The following RNF130 variants were observed in gnomAD, a reference collection of about 807,000 sequenced individuals.
RNF130 encodes the protein ring finger protein 130, also known as E3 ubiquitin-protein ligase RNF130.
Under a neutral mutation model 44.6 loss-of-function variants are expected in RNF130, and 21 were observed. The observed-to-expected ratio is 0.47, with a 90% CI of 0.33 to 0.68. The LOEUF (loss-of-function observed/expected upper bound fraction) is 0.68, where lower values mean the gene tolerates loss of function less well. Among genes scored for constraint, RNF130 ranks in the 30% least tolerant of loss-of-function variants. The pLI is 0.02. For synonymous variants in RNF130, 214 were observed against 210.4 expected (o/e 1.02, Z -0.15); for missense variants, 479 against 560.6 (o/e 0.85, Z 1.47).
Position 180,018,283 on chromosome 5 carries a change from A to G in RNF130, c.443-4972T>C, listed in dbSNP as rs1240440281. ...GCACTCCAGCCTGGGAAACAGAGTG[A>G]GACTCCATCTCAAAAAAAAAAAAAA... is the stretch of plus-strand genomic sequence containing the variant. On this transcript the variant is annotated intron_variant, in intron 2 of 8. Coordinates refer to ENST00000521389, the MANE Select transcript of RNF130 (RefSeq NM_018434.6). 4.3e-5 allele frequency among the ~76,000 whole-genome samples: 6 copies of G among 140,664 alleles called. No homozygotes were observed. The Admixed American group carries it at 4.5e-4, about 10-fold the overall frequency. 92.3% of individuals were successfully genotyped at this position (140,664 alleles called of 152,430 possible).
At chr5:180,024,244 A>C (rs2113109927) in intron 2 of RNF130, among the ~76,000 whole-genome samples, 1 of 152,324 alleles carries the variant, frequency 6.6e-6, no homozygotes, top group Non-Finnish European at 1.5e-5. Context: ...ATCCTAGAAC[A>C]GAAAAAAAAC....
intron 2 of RNF130, among the ~76,000 whole-genome samples, chr5:180,032,158 A>C (rs1004574375): frequency 1.3e-5 from 2 of 152,100 alleles, no homozygotes. Context: ...TTATCTTTTC[A>C]TTGTTTTTCA....
intron 7 of RNF130, among the ~76,000 whole-genome samples, chr5:179,944,767 AAAG>A (rs1288148435): frequency 1.3e-5 from 2 of 152,114 alleles, no homozygotes; most frequent in Admixed American, 1.3e-4. Flanking sequence ...AAAAAAAAAA[AAAG>A]TTCACATGGA....
intron 5 of RNF130, among the ~76,000 whole-genome samples, chr5:179,973,381 A>G (rs1395332194): frequency 6.6e-6 from 1 of 152,120 alleles, no homozygotes; most frequent in African/African-American, 2.4e-5. Flanking sequence ...CTTCAGTGCA[A>G]CTTTCACTGA....
intron 3 of RNF130, among the ~76,000 whole-genome samples, chr5:179,989,669 A>C (rs1763034368): frequency 6.6e-6 from 1 of 152,222 alleles, no homozygotes; most frequent in South Asian, 2.1e-4. Flanking sequence ...CATTTAAAAA[A>C]ATCTATTCAG....
chr5:179,954,649 A>T (rs1762174856), downstream of RNF130, among the ~76,000 whole-genome samples: 5 of 152,228 alleles, frequency 3.3e-5, no homozygotes, highest in South Asian at 1.0e-3. Flanking sequence ...TGGTTGCACA[A>T]CTGTGTGACT....
At chr5:179,970,556 T>C (rs772711799) in intron 5 of RNF130, 50 bp from the exon 6 acceptor site, 8 of 1,419,472 alleles carry the variant, frequency 5.6e-6, no homozygotes, top group Non-Finnish European at 9.8e-7. Flanking sequence ...AAGAAACTTA[T>C]TAGGCCAAAA....
intron 1 of RNF130, among the ~76,000 whole-genome samples, chr5:180,043,074 T>C (rs779395313): frequency 5.0e-4 from 76 of 152,206 alleles, no homozygotes; most frequent in Non-Finnish European, 8.2e-4. Flanking sequence ...TCCCAACACT[T>C]TGGGAGGCCA....
chr5:180,047,748 A>T (rs1764600095), intron 1 of RNF130, among the ~76,000 whole-genome samples: 2 of 152,198 alleles, frequency 1.3e-5, no homozygotes, highest in African/African-American at 4.8e-5. Flanking sequence ...TGTCTAAAAA[A>T]ATAAATAAAA....
intron 2 of RNF130, among the ~76,000 whole-genome samples, chr5:180,035,072 A>G (rs563965077): frequency 6.6e-6 from 1 of 151,852 alleles, no homozygotes; most frequent in East Asian, 1.9e-4. Flanking sequence ...ATCTTTATTA[A>G]CTCCTTTGTT....
chr5:180,066,868 TA>T (rs1490385590), intron 1 of RNF130, among the ~76,000 whole-genome samples: 28 of 151,392 alleles, frequency 1.8e-4, no homozygotes, highest in Non-Finnish European at 3.1e-4. Context: ...AAAATAAAAA[TA>T]AAAAAATTAG....
chr5:180,020,755 A>T (rs10903246), intron 2 of RNF130, among the ~76,000 whole-genome samples: 6 of 151,906 alleles, frequency 3.9e-5, no homozygotes, highest in African/African-American at 1.2e-4. Context: ...GCACCTGCCC[A>T]GAACAGAAAG....
At chr5:179,990,160 G>C (rs796776443) in intron 3 of RNF130, among the ~76,000 whole-genome samples, 12 of 152,144 alleles carry the variant, frequency 7.9e-5, no homozygotes, top group African/African-American at 2.9e-4. Flanking sequence ...GCGGAGACCA[G>C]TAGTGGCCCC....
At chr5:179,983,889 T>G (rs573045661) in intron 3 of RNF130, among the ~76,000 whole-genome samples, 1 of 152,332 alleles carries the variant, frequency 6.6e-6, no homozygotes, top group East Asian at 1.9e-4. Flanking sequence ...TTCCTATTTG[T>G]TGATGCTATG....
At chr5:179,935,605 T>A (rs1761878688) in intron 7 of RNF130, among the ~76,000 whole-genome samples, 1 of 152,148 alleles carries the variant, frequency 6.6e-6, no homozygotes, top group Admixed American at 6.5e-5. Context: ...GGGACTTAAA[T>A]CCATAATTAC....
At position 179,966,853 on chromosome 5, in the gene RNF130, T is replaced by A; in HGVS notation, c.1103A>T (p.Asp368Val). ...TCCTGTTCTCGGAGTGAGCTCCCCA[T>A]CCTGAGGAAGAGGTGAGATCCCCGA... ...RTSGISPLPQ[D>V]GELTPRTGEI... The change falls in exon 7 of 9, where the codon GAT (aspartate) becomes GTT (valine). Residue 368 changes from aspartate (D) to valine (V), a missense_variant. This residue lies in a region of RNF130 where 161 missense variants were observed against 158.6 expected (regional missense o/e 1.02). Transcript: ENST00000521389. 1 of 1,614,114 alleles carries A rather than the reference T, an allele frequency of 6.2e-7. No individual in the cohort carries two copies. Among genetic ancestry groups the A allele is most frequent in the South Asian group, 1.1e-5 (1 of 91,072 alleles).
intron 1 of RNF130, among the ~76,000 whole-genome samples, chr5:180,049,877 A>C (rs1001081099): frequency 8.0e-5 from 12 of 150,690 alleles, no homozygotes; most frequent in African/African-American, 2.9e-4. Flanking sequence ...CCTTTTCCTC[A>C]TCTATATATT....
intron 3 of RNF130, among the ~76,000 whole-genome samples, chr5:179,995,201 C>CCTCTCT (rs146348005): frequency 1.3e-4 from 19 of 151,602 alleles, no homozygotes; most frequent in African/African-American, 9.7e-5. Flanking sequence ...ATGGGACCTG[C>CCTCTCT]CTCTCTCTCT....
intron 2 of RNF130, among the ~76,000 whole-genome samples, chr5:180,027,878 C>T (rs1290995806): frequency 6.6e-6 from 1 of 152,240 alleles, no homozygotes; most frequent in Non-Finnish European, 1.5e-5. Flanking sequence ...TCTGTGGCTG[C>T]TGCCGGTGTG....
Sources: allele counts gnomAD v4.1 joint callset (sites outside exome capture counted in the v4.1 genomes callset), GRCh38; gene constraint gnomAD v4.1.1; regional missense constraint gnomAD v4.1.1; transcripts MANE v1.5; gene names NCBI Gene and HGNC (gene_info 2026-07-23, HGNC 2026-07-21).